The following IQCM variants were observed in gnomAD, a reference collection of about 807,000 sequenced individuals.
IQCM encodes the protein IQ motif containing M.
In IQCM, 45 loss-of-function variants were observed where a neutral mutation model predicts 57.6. That is an observed-to-expected ratio of 0.78 (90% CI 0.62 to 1.00). The LOEUF is 1.00. Ranked by LOEUF, IQCM falls within the 50% of genes least tolerant of loss-of-function variation. The pLI, the probability that IQCM is intolerant of heterozygous loss-of-function variation, is 0.00. For synonymous variants in IQCM, 148 were observed against 158.9 expected, an observed-to-expected ratio of 0.93 and a Z score of 0.51; for missense variants, 468 against 511.6, an observed-to-expected ratio of 0.91 and a Z score of 0.82.
At position 149,477,554 on chromosome 4, in the gene IQCM, T is replaced by G. The variant is rs890273915; in HGVS notation, c.1229-43997A>C. Among the ~76,000 whole-genome samples, 5 of 152,286 alleles carry G rather than the reference T, an allele frequency of 3.3e-5. No individual in the cohort carries two copies. The East Asian group carries it at 9.6e-4, about 29-fold the overall frequency. On this transcript the variant is annotated intron_variant, in intron 12 of 13. Coordinates refer to ENST00000636793, the MANE Select transcript of IQCM (RefSeq NM_001363507.2). The stretch of plus-strand genomic sequence containing the variant: ...GTCCTTGCCCTCACAGAGCTTACTG[T>G]CCGGTGGGGGCTGGAAGAAGACAGA...
chr4:149,785,680 T>G (rs1306995083), intron 2 of IQCM, among the ~76,000 whole-genome samples: 1 of 152,166 alleles, frequency 6.6e-6, no homozygotes, highest in East Asian at 1.9e-4. Flanking sequence ...TAATAATTTT[T>G]CTAACCTTAG....
intron 5 of IQCM, among the ~76,000 whole-genome samples, chr4:149,705,550 A>T (rs1561179674): frequency 6.6e-6 from 1 of 151,910 alleles, no homozygotes; most frequent in East Asian, 1.9e-4. Flanking sequence ...CCTACTTGCC[A>T]TAAACGTCAA....
intron 2 of IQCM, among the ~76,000 whole-genome samples, chr4:149,764,190 T>C (rs2149971173): frequency 6.6e-6 from 1 of 152,248 alleles, no homozygotes; most frequent in East Asian, 1.9e-4. Flanking sequence ...TAACCTTGTC[T>C]TATTTCACCC....
intron 2 of IQCM, among the ~76,000 whole-genome samples, chr4:149,786,063 T>G (rs1189115028): frequency 1.3e-5 from 2 of 152,178 alleles, no homozygotes; most frequent in Non-Finnish European, 2.9e-5. Flanking sequence ...CTGGCCAAGA[T>G]GAAATAAGGG....
intron 2 of IQCM, among the ~76,000 whole-genome samples, chr4:149,756,826 C>A (rs1379864358): frequency 6.6e-6 from 1 of 151,838 alleles, no homozygotes. Flanking sequence ...GACTGAGCAA[C>A]GTTTAAAGAA....
At chr4:149,678,250 C>G (rs2150195265) in intron 7 of IQCM, among the ~76,000 whole-genome samples, 1 of 151,648 alleles carries the variant, frequency 6.6e-6, no homozygotes, top group Non-Finnish European at 1.5e-5. Flanking sequence ...CCTCAAAGGT[C>G]AAGGATAAAG....
intron 13 of IQCM, among the ~76,000 whole-genome samples, chr4:149,430,227 TTAAG>T (rs1405922149): frequency 6.6e-6 from 1 of 152,020 alleles, no homozygotes; most frequent in African/African-American, 2.4e-5. Flanking sequence ...GTGACTCTCT[TTAAG>T]TAAGTTTTAA....
At chr4:149,732,709 T>C (rs1462013044) in intron 5 of IQCM, among the ~76,000 whole-genome samples, 1 of 152,154 alleles carries the variant, frequency 6.6e-6, no homozygotes, top group Non-Finnish European at 1.5e-5. Context: ...TTATAAGCAG[T>C]CATGTATTCA....
At chr4:149,493,776 A>C (rs1742351420) in intron 12 of IQCM, among the ~76,000 whole-genome samples, 1 of 151,970 alleles carries the variant, frequency 6.6e-6, no homozygotes, top group Non-Finnish European at 1.5e-5. Flanking sequence ...AAATTAAGTT[A>C]ATTCAAGTGC....
chr4:149,774,608 G>A lies in IQCM; in HGVS notation c.-48-31869C>T, dbSNP rs535503576. On this transcript the variant is annotated intron_variant, in intron 2 of 13. Transcript: ENST00000636793. ...CTGAGCCCTATGCAAATCAGACATG[G>A]CCTCCTCCAGCCTCTGCATATATAC... Among the ~76,000 whole-genome samples, 7 of 152,030 alleles carry A rather than the reference G, an allele frequency of 4.6e-5. 1 individual carries two copies. The highest frequency in any genetic ancestry group is 1.7e-4 in the African/African-American group (7 of 41,480).
At chr4:149,538,579 TCAAA>T (rs1348540893) in intron 12 of IQCM, among the ~76,000 whole-genome samples, 4 of 151,908 alleles carry the variant, frequency 2.6e-5, no homozygotes, top group African/African-American at 9.7e-5. Flanking sequence ...AAGACTCCAA[TCAAA>T]CAGACTACAT....
chr4:149,361,386 C>T (rs1729474542), intron 13 of IQCM, among the ~76,000 whole-genome samples: 2 of 152,164 alleles, frequency 1.3e-5, no homozygotes, highest in African/African-American at 4.8e-5. Context: ...ACCCCCAAGA[C>T]CATTGGGAAA....
At chr4:149,751,042 G>A (rs752671296) in intron 2 of IQCM, among the ~76,000 whole-genome samples, 2 of 152,124 alleles carry the variant, frequency 1.3e-5, no homozygotes, top group Non-Finnish European at 2.9e-5. Flanking sequence ...TGGTTTTGGA[G>A]CGTTTATATG....
chr4:149,650,890 T>A (rs1198667982), intron 7 of IQCM, among the ~76,000 whole-genome samples: 1 of 152,224 alleles, frequency 6.6e-6, no homozygotes, highest in East Asian at 1.9e-4. Context: ...CTTCTTGGCA[T>A]TTGCTTTAGT....
intron 12 of IQCM, among the ~76,000 whole-genome samples, chr4:149,467,187 T>C (rs1376453508): frequency 6.6e-6 from 1 of 152,178 alleles, no homozygotes; most frequent in Non-Finnish European, 1.5e-5. Flanking sequence ...GAAACCACTT[T>C]TCAGGAATAA....
At chr4:149,505,122 A>G (rs950419622) in intron 12 of IQCM, among the ~76,000 whole-genome samples, 1 of 152,136 alleles carries the variant, frequency 6.6e-6, no homozygotes, top group African/African-American at 2.4e-5. Context: ...CTATAGTGTT[A>G]CACATGGCAG....
At chr4:149,524,859 A>G (rs957328440) in intron 12 of IQCM, among the ~76,000 whole-genome samples, 7 of 151,670 alleles carry the variant, frequency 4.6e-5, no homozygotes, top group Non-Finnish European at 8.9e-5. Context: ...AACATGAAAA[A>G]CAATTTTATT....
At chr4:149,497,913 T>C (rs1281369215) in intron 12 of IQCM, among the ~76,000 whole-genome samples, 1 of 152,152 alleles carries the variant, frequency 6.6e-6, no homozygotes, top group East Asian at 1.9e-4. Flanking sequence ...TGAGTGGTTT[T>C]TGTTCTCCTG....
At chr4:149,352,611 A>G (rs1204438679) in intron 13 of IQCM, among the ~76,000 whole-genome samples, 1 of 152,198 alleles carries the variant, frequency 6.6e-6, no homozygotes, top group Non-Finnish European at 1.5e-5. Flanking sequence ...CTCATATTCG[A>G]GGGAGATTCT....
Sources: gnomAD v4.1 joint callset for allele counts (sites outside exome capture counted in the v4.1 genomes callset) on GRCh38, gnomAD v4.1.1 for gene constraint, MANE v1.5 for transcripts, NCBI Gene and HGNC (gene_info 2026-07-23, HGNC 2026-07-21) for gene names.